The following PRKN variants were observed in gnomAD, a reference collection of about 807,000 sequenced individuals.
PRKN encodes E3 ubiquitin-protein ligase parkin.
In PRKN, 56 loss-of-function variants were observed where a neutral mutation model predicts 59.5. That is an observed-to-expected ratio of 0.94 (90% CI 0.76 to 1.18). PRKN has a LOEUF of 1.18. Among genes scored for constraint, PRKN ranks in the 50% most tolerant of loss-of-function variants. The probability of loss-of-function intolerance (pLI) is 0.00; values close to 1 mark genes in which losing one functional copy is unlikely to be tolerated. For missense variants in PRKN, 657 were observed against 596.4 expected (o/e 1.10, Z -1.06); for synonymous variants, 250 against 222.1 (o/e 1.13, Z -1.12).
At chr6:162,002,556 G>A (rs1782098414) in intron 5 of PRKN, among the ~76,000 whole-genome samples, 1 of 144,900 alleles carries the variant, frequency 6.9e-6, no homozygotes, top group African/African-American at 2.6e-5. Context: ...TAGTCTTATT[G>A]ATTTTTTAAT....
intron 7 of PRKN, among the ~76,000 whole-genome samples, chr6:161,759,211 C>T (rs759496228): frequency 2.6e-5 from 4 of 151,924 alleles, no homozygotes; most frequent in Admixed American, 6.6e-5. Context: ...GAGATAATCT[C>T]TCATTTCAAA....
intron 1 of PRKN, among the ~76,000 whole-genome samples, chr6:162,670,035 T>G (rs1209519838): frequency 6.6e-6 from 1 of 152,246 alleles, no homozygotes; most frequent in African/African-American, 2.4e-5. Context: ...TTTGTGCTGC[T>G]AAACATTTGA....
At chr6:161,793,021 G>A (rs1031571759) in intron 6 of PRKN, among the ~76,000 whole-genome samples, 3 of 152,086 alleles carry the variant, frequency 2.0e-5, no homozygotes, top group South Asian at 2.1e-4. Flanking sequence ...CCGGCACAGC[G>A]CCTGCCCACA....
In PRKN at chr6:161,358,262, G is replaced by A. The variant is rs898785582; in HGVS notation, c.1285+1826C>T. ...CCAAAGTGGTTTCCAGAAAAGTTACGCTAACTTATGATGTCCTCACCAACC... is the reference window on the plus strand; with the variant it reads ...CCAAAGTGGTTTCCAGAAAAGTTACACTAACTTATGATGTCCTCACCAACC... On this transcript the variant is annotated intron_variant, in intron 11 of 11. Coordinates refer to ENST00000366898, the MANE Select transcript of PRKN (RefSeq NM_004562.3). 5.9e-5 allele frequency among the ~76,000 whole-genome samples: 9 copies of A among 151,970 alleles called. No homozygotes were observed. In the East Asian group the frequency reaches 7.7e-4, roughly 13 times the overall value.
chr6:162,068,052 T>C (rs1432153502), intron 4 of PRKN, among the ~76,000 whole-genome samples: 1 of 152,176 alleles, frequency 6.6e-6, no homozygotes, highest in African/African-American at 2.4e-5. Context: ...CATTTTCCTA[T>C]CTGGTGGGTA....
chr6:161,711,128 A>T (rs1282258568), intron 7 of PRKN, among the ~76,000 whole-genome samples: 1 of 152,172 alleles, frequency 6.6e-6, no homozygotes, highest in Non-Finnish European at 1.5e-5. Flanking sequence ...GAGAGGGGTC[A>T]TATCATCTGA....
intron 1 of PRKN, among the ~76,000 whole-genome samples, chr6:162,715,409 A>G (rs1056818519): frequency 3.3e-5 from 5 of 152,214 alleles, no homozygotes; most frequent in African/African-American, 9.6e-5. Context: ...TTTAAAGTTT[A>G]GAGGAAAATA....
At chr6:162,215,691 C>T (rs1777616148) in intron 3 of PRKN, among the ~76,000 whole-genome samples, 1 of 151,972 alleles carries the variant, frequency 6.6e-6, no homozygotes, top group Non-Finnish European at 1.5e-5. Context: ...ATCTAATTGG[C>T]TTTGGAGTTG....
intron 2 of PRKN, among the ~76,000 whole-genome samples, chr6:162,406,700 C>T (rs887459621): frequency 4.6e-4 from 70 of 152,108 alleles, no homozygotes; most frequent in Admixed American, 1.1e-3. Flanking sequence ...GAGATAGGAG[C>T]GCACTATCCA....
intron 2 of PRKN, among the ~76,000 whole-genome samples, chr6:162,272,142 G>A (rs556364225): frequency 8.1e-4 from 124 of 152,252 alleles, no homozygotes; most frequent in Non-Finnish European, 1.5e-3. Flanking sequence ...GGAATCACTC[G>A]GTTTGGCTAC....
intron 9 of PRKN, among the ~76,000 whole-genome samples, chr6:161,455,791 A>C (rs1789942159): frequency 6.7e-6 from 1 of 148,702 alleles, no homozygotes; most frequent in African/African-American, 2.5e-5. Context: ...CGAACCCGGG[A>C]GGCGGAGGTT....
At chr6:161,955,833 A>G (rs1276863171) in intron 6 of PRKN, among the ~76,000 whole-genome samples, 3 of 152,208 alleles carry the variant, frequency 2.0e-5, no homozygotes, top group Non-Finnish European at 4.4e-5. Flanking sequence ...CTGGGCAAAA[A>G]GAGCTAAACT....
intron 4 of PRKN, among the ~76,000 whole-genome samples, chr6:162,173,993 C>A (rs1444254368): frequency 1.3e-5 from 2 of 152,120 alleles, no homozygotes; most frequent in Non-Finnish European, 2.9e-5. Context: ...TGTCAGTTTT[C>A]AAGAGCCACC....
chr6:162,545,086 A>T (rs1438212379), intron 1 of PRKN, among the ~76,000 whole-genome samples: 1 of 150,080 alleles, frequency 6.7e-6, no homozygotes. Flanking sequence ...GGAGTTGGAG[A>T]CCAGCTTGGC....
intron 1 of PRKN, among the ~76,000 whole-genome samples, chr6:162,508,868 AAAAC>A (rs1793719979): frequency 1.3e-5 from 2 of 151,980 alleles, no homozygotes; most frequent in South Asian, 2.1e-4. Context: ...CAAAAAACAA[AAAAC>A]AAACAAAAAA....
intron 2 of PRKN, among the ~76,000 whole-genome samples, chr6:162,363,907 G>C (rs1785282764): frequency 1.3e-5 from 2 of 152,158 alleles, no homozygotes; most frequent in Non-Finnish European, 2.9e-5. Flanking sequence ...CTAGACAAAA[G>C]GCTTGCATGC....
intron 1 of PRKN, chr6:162,569,284 A>G: frequency 1.7e-6 from 1 of 600,318 alleles, no homozygotes. Flanking sequence ...CCACCATCGC[A>G]GATGTCAAGC....
chr6:162,619,259 C>T (rs192623162), intron 1 of PRKN, among the ~76,000 whole-genome samples: 7 of 151,742 alleles, frequency 4.6e-5, no homozygotes, highest in African/African-American at 4.8e-5. Flanking sequence ...TCTCCTGCCT[C>T]GGCCTCCCGA....
chr6:162,336,453 C>G (rs1437588221), intron 2 of PRKN, among the ~76,000 whole-genome samples: 1 of 152,144 alleles, frequency 6.6e-6, no homozygotes, highest in African/African-American at 2.4e-5. Context: ...CGGCACATGA[C>G]AGTGCCAACT....
Sources: allele counts gnomAD v4.1 joint callset (sites outside exome capture counted in the v4.1 genomes callset), GRCh38; gene constraint gnomAD v4.1.1; transcripts MANE v1.5; gene names NCBI Gene and HGNC (gene_info 2026-07-23, HGNC 2026-07-21).